Variants in UBE2K observed in about 807,000 individuals in gnomAD.
UBE2K encodes the protein ubiquitin-conjugating enzyme E2 K.
In UBE2K, 6 loss-of-function variants were observed where a neutral mutation model predicts 30.0. The observed-to-expected ratio is 0.20, with a 90% confidence interval of 0.11 to 0.39. UBE2K has a LOEUF of 0.39. Ranked by LOEUF, UBE2K falls within the 10% of genes least tolerant of loss-of-function variation. The probability of loss-of-function intolerance (pLI) is 1.00; values close to 1 mark genes in which losing one functional copy is unlikely to be tolerated. For synonymous variants in UBE2K, 86 were observed against 83.7 expected (o/e 1.03, Z -0.15); for missense variants, 61 against 241.6 (o/e 0.25, Z 4.96).
At chr4:39,728,200 A>T (rs1012802253) in intron 1 of UBE2K, among the ~76,000 whole-genome samples, 1 of 152,118 alleles carries the variant, frequency 6.6e-6, no homozygotes, top group Non-Finnish European at 1.5e-5. Context: ...ACCTGGCTTC[A>T]CTGATTATTA....
At chr4:39,770,258 G>A in intron 4 of UBE2K, 1 of 1,609,236 alleles carries the variant, frequency 6.2e-7, no homozygotes, top group Non-Finnish European at 8.5e-7. Context: ...GGTCGTGCAG[G>A]GTGGACTTCT....
intron 1 of UBE2K, among the ~76,000 whole-genome samples, chr4:39,713,213 G>C (rs1718811103): frequency 1.3e-5 from 2 of 150,442 alleles, no homozygotes; most frequent in Non-Finnish European, 1.5e-5. Flanking sequence ...GTTTGGCCTG[G>C]GCAACAAGAG....
At chr4:39,715,066 C>T (rs539277558) in intron 1 of UBE2K, among the ~76,000 whole-genome samples, 30 of 148,926 alleles carry the variant, frequency 2.0e-4, no homozygotes, top group Admixed American at 1.2e-3. Flanking sequence ...CACTCTGTCA[C>T]CCAGGCTGGA....
At chr4:39,718,134 C>G (rs760657681) in intron 1 of UBE2K, among the ~76,000 whole-genome samples, 2 of 152,162 alleles carry the variant, frequency 1.3e-5, no homozygotes, top group Non-Finnish European at 2.9e-5. Context: ...CCACGCACAT[C>G]CTGCTGATTG....
chr4:39,741,585 A>C (rs1001030589), intron 2 of UBE2K, among the ~76,000 whole-genome samples: 2 of 152,250 alleles, frequency 1.3e-5, no homozygotes, highest in African/African-American at 4.8e-5. Flanking sequence ...ATTTATAACC[A>C]TTATTAAGTA....
Position 39,760,176 on chromosome 4 carries a change from C to CAAAAA in UBE2K, c.299+4449_299+4453dup, listed in dbSNP as rs71194913. ...TGGGTGACAGAGCGAGACTCTGTCACAAAAAAAAAAAAAAAACAGAAAAAA... is the reference window on the plus strand; with the variant it reads ...TGGGTGACAGAGCGAGACTCTGTCACAAAAAAAAAAAAAAAAAAAAACAGAAAAAA... On this transcript the variant is annotated intron_variant, in intron 4 of 6. Transcript: ENST00000261427. Among the ~76,000 whole-genome samples, 368 of 77,158 alleles carry CAAAAA rather than the reference C, an allele frequency of 4.8e-3. 35 individuals carry two copies. The highest frequency in any genetic ancestry group is 0.016 in the African/African-American group (263 of 16,350). The allele number at this position is 77,158 out of a possible 152,430, so 50.6% of individuals were successfully genotyped here.
chr4:39,763,070 G>A (rs1578492565), intron 4 of UBE2K, among the ~76,000 whole-genome samples: 1 of 145,918 alleles, frequency 6.9e-6, no homozygotes, highest in East Asian at 2.1e-4. Flanking sequence ...AGCCTCCTGA[G>A]TAGCTGGGAT....
chr4:39,750,994 C>T (rs1721225631), intron 3 of UBE2K, among the ~76,000 whole-genome samples: 1 of 152,130 alleles, frequency 6.6e-6, no homozygotes, highest in African/African-American at 2.4e-5. Context: ...ATTTCACCCA[C>T]CTCAGCCTCC....
At chr4:39,702,226 CT>C (rs1277061547) in intron 1 of UBE2K, among the ~76,000 whole-genome samples, 17 of 90,858 alleles carry the variant, frequency 1.9e-4, no homozygotes, top group African/African-American at 5.6e-4. Flanking sequence ...CTTTTCTTTT[CT>C]TTTCTTTTTT....
intron 1 of UBE2K, among the ~76,000 whole-genome samples, chr4:39,707,802 G>C (rs913091200): frequency 6.6e-6 from 1 of 152,086 alleles, no homozygotes; most frequent in Non-Finnish European, 1.5e-5. Flanking sequence ...TTATAGGCAT[G>C]AGCCACCTCA....
At chr4:39,715,557 G>A (rs1215282311) in intron 1 of UBE2K, among the ~76,000 whole-genome samples, 2 of 152,044 alleles carry the variant, frequency 1.3e-5, no homozygotes, top group Non-Finnish European at 1.5e-5. Context: ...TGATCCACCC[G>A]CCTCAGCCTT....
chr4:39,767,804 C>A (rs1712447733), intron 4 of UBE2K, among the ~76,000 whole-genome samples: 1 of 151,834 alleles, frequency 6.6e-6, no homozygotes, highest in Non-Finnish European at 1.5e-5. Flanking sequence ...TTAAATACTT[C>A]CTTTGAGTGA....
chr4:39,717,962 G>T (rs1176941858), intron 1 of UBE2K, among the ~76,000 whole-genome samples: 1 of 151,682 alleles, frequency 6.6e-6, no homozygotes, highest in Non-Finnish European at 1.5e-5. Flanking sequence ...AGACCTTTGC[G>T]GTGAGTGTTA....
At chr4:39,770,666 C>T in intron 4 of UBE2K, 4 of 1,581,836 alleles carry the variant, frequency 2.5e-6, no homozygotes, top group Non-Finnish European at 3.4e-6. Flanking sequence ...CCACACCCTG[C>T]GGTGGGGCCA....
At chr4:39,706,472 T>A (rs1206717976) in intron 1 of UBE2K, among the ~76,000 whole-genome samples, 1 of 106,484 alleles carries the variant, frequency 9.4e-6, no homozygotes, top group Non-Finnish European at 2.1e-5. Flanking sequence ...ATGCCTGGAC[T>A]TTTTTTTTTT....
intron 4 of UBE2K, chr4:39,770,194 G>A (rs913616222): frequency 2.5e-6 from 4 of 1,609,326 alleles, no homozygotes; most frequent in Non-Finnish European, 3.4e-6. Context: ...TGGGCGAAGC[G>A]CATGTCGCAG....
In UBE2K at chr4:39,759,903, C is replaced by T. The variant is rs117397760; in HGVS notation, c.299+4164C>T. Among the ~76,000 whole-genome samples, 454 of 152,144 alleles carry T rather than the reference C, an allele frequency of 3.0e-3. 16 individuals carry two copies. In the East Asian group the frequency reaches 0.075, roughly 25 times the overall value. ...GAATGTGGCTTAACCAGGCAGGGCA[C>T]GGTGGCTCATGCCTGTTATCCCAAC... On this transcript the variant is annotated intron_variant, in intron 4 of 6. Coordinates refer to ENST00000261427, the MANE Select transcript of UBE2K (RefSeq NM_005339.5).
intron 4 of UBE2K, among the ~76,000 whole-genome samples, chr4:39,763,227 G>A (rs754247681): frequency 6.6e-6 from 1 of 151,226 alleles, no homozygotes; most frequent in African/African-American, 2.4e-5. Context: ...AAAGGCATGA[G>A]CCACTGCATC....
intron 4 of UBE2K, chr4:39,770,598 G>A (rs1316825759): frequency 1.5e-5 from 23 of 1,585,930 alleles, no homozygotes; most frequent in African/African-American, 4.0e-5. Flanking sequence ...CCGGCCTCCC[G>A]GAGTCAACAG....
Sources: gnomAD v4.1 joint callset for allele counts (sites outside exome capture counted in the v4.1 genomes callset) on GRCh38, gnomAD v4.1.1 for gene constraint, MANE v1.5 for transcripts, NCBI Gene and HGNC (gene_info 2026-07-23, HGNC 2026-07-21) for gene names.